Variants in ZNF385B observed in about 807,000 individuals in gnomAD.
ZNF385B encodes the protein zinc finger protein 385B.
A neutral mutation model predicts 39.2 loss-of-function variants in ZNF385B; 23 were observed. That is an observed-to-expected ratio of 0.59 (90% CI 0.42 to 0.83). ZNF385B has a LOEUF of 0.83. Among genes scored for constraint, ZNF385B ranks in the 40% least tolerant of loss-of-function variants. ZNF385B has a pLI of 0.00. For synonymous variants in ZNF385B, 205 were observed against 222.6 expected, an observed-to-expected ratio of 0.92 and a Z score of 0.70; for missense variants, 552 against 598.9, an observed-to-expected ratio of 0.92 and a Z score of 0.82.
At chr2:179,855,299 T>C (rs1230201764) in intron 1 of ZNF385B, among the ~76,000 whole-genome samples, 1 of 152,234 alleles carries the variant, frequency 6.6e-6, no homozygotes, top group Admixed American at 6.5e-5. Context: ...TAAATTCCAT[T>C]TCCCATTATA....
chr2:179,652,574 C>A (rs1693292271), intron 3 of ZNF385B, among the ~76,000 whole-genome samples: 2 of 152,090 alleles, frequency 1.3e-5, no homozygotes, highest in Non-Finnish European at 2.9e-5. Flanking sequence ...CTCAGTCACC[C>A]TCATCCAAAA....
At chr2:179,752,654 G>T (rs1427700094) in intron 3 of ZNF385B, among the ~76,000 whole-genome samples, 1 of 152,122 alleles carries the variant, frequency 6.6e-6, no homozygotes, top group Non-Finnish European at 1.5e-5. Context: ...GTATCTCATT[G>T]TGGTTTTGAT....
At position 179,736,506 on chromosome 2, in the gene ZNF385B, G is replaced by T. The variant is rs527579955; in HGVS notation, c.298+32997C>A. On this transcript the variant is annotated intron_variant, in intron 3 of 9. Transcript: ENST00000410066. The stretch of plus-strand genomic sequence containing the variant: ...AGAAGTTTGCCGTTTAGCATGAGGT[G>T]TGTCAAGGACAGTTAATCGTATTAC... Among the ~76,000 whole-genome samples, 14 of 152,240 alleles carry T rather than the reference G, an allele frequency of 9.2e-5. No individual in the cohort carries two copies. The South Asian group carries it at 1.7e-3, about 18-fold the overall frequency.
At chr2:179,774,059 G>GTGA (rs1704166738) in intron 1 of ZNF385B, among the ~76,000 whole-genome samples, 1 of 151,812 alleles carries the variant, frequency 6.6e-6, no homozygotes, top group African/African-American at 2.4e-5. Context: ...TGTGGTTTGC[G>GTGA]TGTGGGGTGT....
At chr2:179,496,663 AG>A (rs2056242437) in intron 5 of ZNF385B, among the ~76,000 whole-genome samples, 1 of 152,226 alleles carries the variant, frequency 6.6e-6, no homozygotes. Context: ...GAAATCTTAA[AG>A]GCCAGGAAAG....
intron 3 of ZNF385B, among the ~76,000 whole-genome samples, chr2:179,563,551 C>G (rs1334003961): frequency 2.0e-5 from 3 of 152,110 alleles, no homozygotes; most frequent in Non-Finnish European, 4.4e-5. Flanking sequence ...CAGATTTGCA[C>G]AGTAACTATC....
chr2:179,694,642 C>T (rs1412864182), intron 3 of ZNF385B, among the ~76,000 whole-genome samples: 3 of 152,062 alleles, frequency 2.0e-5, no homozygotes, highest in African/African-American at 4.8e-5. Context: ...TGAAAGAAGA[C>T]ATCTGGGCTG....
At chr2:179,624,633 T>C (rs1028778437) in intron 3 of ZNF385B, among the ~76,000 whole-genome samples, 3 of 152,202 alleles carry the variant, frequency 2.0e-5, no homozygotes. Context: ...CCATGTGCTT[T>C]GAAACTGCCC....
intron 3 of ZNF385B, among the ~76,000 whole-genome samples, chr2:179,605,996 G>A (rs752822015): frequency 3.9e-5 from 6 of 152,144 alleles, no homozygotes; most frequent in Non-Finnish European, 5.9e-5. Context: ...TAGAAACTAT[G>A]TTTGGAAGAT....
At chr2:179,611,422 A>AC (rs1553480963) in intron 3 of ZNF385B, among the ~76,000 whole-genome samples, 1 of 152,122 alleles carries the variant, frequency 6.6e-6, no homozygotes, top group Non-Finnish European at 1.5e-5. Flanking sequence ...AATTTTTATC[A>AC]TTGTCATTGA....
intron 3 of ZNF385B, among the ~76,000 whole-genome samples, chr2:179,764,104 C>T (rs981708221): frequency 2.0e-5 from 3 of 152,080 alleles, no homozygotes; most frequent in Non-Finnish European, 4.4e-5. Flanking sequence ...TCTGCTCTAT[C>T]AGTTTTTGCT....
At chr2:179,665,757 AATAG>A (rs1048525031) in intron 3 of ZNF385B, among the ~76,000 whole-genome samples, 1 of 152,204 alleles carries the variant, frequency 6.6e-6, no homozygotes, top group African/African-American at 2.4e-5. Context: ...GTTTTCCTAA[AATAG>A]ATGCTCAGAT....
At chr2:179,860,798 G>A (rs1475886691) in intron 1 of ZNF385B, 1 of 464,490 alleles carries the variant, frequency 2.2e-6, no homozygotes, top group Admixed American at 2.4e-5. Context: ...ATCCGTCCTT[G>A]GGAATTGGAG....
rs544716600 is a variant in ZNF385B at position 179,769,536 on chromosome 2, C to A, written c.265G>T (p.Ala89Ser). The A allele has an allele frequency of 2.5e-6, 4 of 1,613,896 alleles. No individual in the cohort carries two copies. In the East Asian group the frequency reaches 6.7e-5, roughly 27 times the overall value. The change falls in exon 3 of 10, where the codon GCC becomes TCC. Residue 89 changes from alanine (A) to serine (S), a missense_variant. Coordinates refer to ENST00000410066, the MANE Select transcript of ZNF385B (RefSeq NM_152520.6). The part of the protein sequence containing the change: ...QLSDGQPPPP[A>S]QASPSSNSST... ...CTGTTGCTGCTGGGGCTGGCCTGGG[C>A]GGGTGGTGGGGGCTGCCCATCACTC...
chr2:179,605,097 T>C (rs550116431), intron 3 of ZNF385B, among the ~76,000 whole-genome samples: 1 of 152,256 alleles, frequency 6.6e-6, no homozygotes, highest in Non-Finnish European at 1.5e-5. Context: ...GAGAGAGACA[T>C]GTTTAAAACA....
chr2:179,728,103 A>G (rs1270535739), intron 3 of ZNF385B, among the ~76,000 whole-genome samples: 1 of 152,102 alleles, frequency 6.6e-6, no homozygotes, highest in Non-Finnish European at 1.5e-5. Context: ...CTTTCAGACA[A>G]AAATCAATGA....
intron 5 of ZNF385B, among the ~76,000 whole-genome samples, chr2:179,498,518 A>T (rs1177466337): frequency 6.6e-6 from 1 of 152,056 alleles, no homozygotes; most frequent in Non-Finnish European, 1.5e-5. Flanking sequence ...AAAACTAGAA[A>T]TTCATAACAA....
chr2:179,761,041 T>C (rs1041029933), intron 3 of ZNF385B, among the ~76,000 whole-genome samples: 1 of 152,188 alleles, frequency 6.6e-6, no homozygotes, highest in Non-Finnish European at 1.5e-5. Flanking sequence ...TATCAAAAAA[T>C]CAATTGAGTA....
intron 3 of ZNF385B, among the ~76,000 whole-genome samples, chr2:179,757,141 G>T (rs1703081087): frequency 6.6e-6 from 1 of 152,152 alleles, no homozygotes; most frequent in East Asian, 1.9e-4. Flanking sequence ...ATGGGGTTTT[G>T]GTGTGGATGT....
Sources: allele counts gnomAD v4.1 joint callset (sites outside exome capture counted in the v4.1 genomes callset), GRCh38; gene constraint gnomAD v4.1.1; transcripts MANE v1.5; gene names NCBI Gene and HGNC (gene_info 2026-07-23, HGNC 2026-07-21).